L1CAM: variants seen among roughly 807,000 people sequenced by gnomAD.
L1CAM encodes the protein L1 cell adhesion molecule, also known as neural cell adhesion molecule L1.
L1CAM carries 8 observed loss-of-function variants against 93.0 expected under a neutral mutation model. The ratio of observed to expected loss-of-function variants is 0.09; its 90% CI spans 0.05 to 0.16. The LOEUF (loss-of-function observed/expected upper bound fraction) is 0.16. L1CAM is among the 10% of genes least tolerant of loss of function. L1CAM has a pLI of 1.00. For synonymous variants in L1CAM, 453 were observed against 453.0 expected (o/e 1.00, Z 0.00); for missense variants, 777 against 1,073.4 (o/e 0.72, Z 3.86).
At chrX:153,879,521 G>A (rs2064833008) in intron 1 of L1CAM, among the ~76,000 whole-genome samples, 1 of 112,236 alleles carries the variant, frequency 8.9e-6, no homozygotes, top group Admixed American at 9.3e-5. Context: ...AGGGAAGATG[G>A]GCCTGGGTCA....
chrX:153,873,648 G>T (rs111834180), intron 2 of L1CAM, among the ~76,000 whole-genome samples: 8,111 of 112,271 alleles, frequency 0.072, 398 homozygotes, highest in African/African-American at 0.18. Context: ...GCCTTGGAAG[G>T]CACCGTCCCC....
chrX:153,885,362 G>A (rs1557096684), intron 1 of L1CAM: 1 of 981,863 alleles, frequency 1.0e-6, no homozygotes, highest in Non-Finnish European at 1.3e-6. Context: ...ACTGGCCACA[G>A]AGCCTGTGGA....
In L1CAM at chrX:153,862,722, C is replaced by T; in HGVS notation, c.3715G>A (p.Gly1239Arg). Residue 1239 changes from glycine to arginine, a missense_variant, in exon 29 of 29, where the codon GGG becomes AGG. Physicochemically the swap from Gly to Arg is moderately radical, Grantham distance 125 (BLOSUM62 -2). Coordinates refer to ENST00000370060, the MANE Select transcript of L1CAM (RefSeq NM_001278116.2). ...YSGKKEKEAA[G>R]GNDSSGATSP... The stretch of plus-strand genomic sequence containing the variant: ...GTGGCCCCTGAGCTGTCATTGCCCC[C>T]TGCCGCCTCCTTCTCCTTCTTGCCA... 1 of 1,212,324 alleles carries T rather than the reference C, an allele frequency of 8.2e-7. No homozygotes were observed. The highest frequency in any genetic ancestry group is 1.1e-6 in the Non-Finnish European group (1 of 895,540).
At chrX:153,884,043 C>G (rs1557096373) in intron 1 of L1CAM, 2 of 394,025 alleles carry the variant, frequency 5.1e-6, no homozygotes, top group African/African-American at 5.1e-5. Flanking sequence ...GCACCCTGCT[C>G]ACTGTAGGAG....
At chrX:153,869,039 G>C in intron 11 of L1CAM, 87 bp from the exon 12 acceptor site, 1 of 756,429 alleles carries the variant, frequency 1.3e-6, no homozygotes. Flanking sequence ...CGGCTTCCTC[G>C]GGCCCCCAAG....
chrX:153,867,963 C>T, intron 15 of L1CAM, 35 bp downstream of exon 15: 1 of 1,210,650 alleles, frequency 8.3e-7, no homozygotes, highest in African/African-American at 1.7e-5. Context: ...TGAGCCCCGG[C>T]CTTCTGGAGT....
At chrX:153,884,185 G>A in intron 1 of L1CAM, 1 of 986,570 alleles carries the variant, frequency 1.0e-6, no homozygotes, top group African/African-American at 1.9e-5. Context: ...GCTCTTCCAT[G>A]GGCAGCCCAG....
chrX:153,869,042 C>A, intron 11 of L1CAM, 90 bp from the exon 12 acceptor site: 1 of 702,509 alleles, frequency 1.4e-6, no homozygotes, highest in Non-Finnish European at 2.3e-6. Flanking sequence ...CTTCCTCGGG[C>A]CCCCAAGAGC....
At chrX:153,869,087 C>T in intron 11 of L1CAM, 135 bp from the exon 12 acceptor site, 1 of 531,483 alleles carries the variant, frequency 1.9e-6, no homozygotes, top group Admixed American at 2.7e-5. Flanking sequence ...CCAGCTGAGG[C>T]CCCCGCCAGG....
intron 1 of L1CAM, among the ~76,000 whole-genome samples, chrX:153,884,998 G>A (rs1335117551): frequency 4.4e-5 from 5 of 112,544 alleles, no homozygotes; most frequent in African/African-American, 1.3e-4. Context: ...TTCTGGAGAA[G>A]GGGGCAGATG....
At chrX:153,874,657 C>T (rs1246800793) in intron 2 of L1CAM, among the ~76,000 whole-genome samples, 1 of 112,357 alleles carries the variant, frequency 8.9e-6, no homozygotes, top group Non-Finnish European at 1.9e-5. Context: ...GTCTTCCCAA[C>T]CCCTATCCGC....
At chrX:153,863,023 C>T in intron 28 of L1CAM, 129 bp from the exon 29 acceptor site, 2 of 528,171 alleles carry the variant, frequency 3.8e-6, no homozygotes, top group Non-Finnish European at 6.2e-6. Context: ...CAGCTCTGGC[C>T]ACCCTGGCAG....
At chrX:153,880,357 G>A in intron 1 of L1CAM, 1 of 189,989 alleles carries the variant, frequency 5.3e-6, no homozygotes, top group Non-Finnish European at 9.9e-6. Flanking sequence ...GGTTCTGCCT[G>A]GAGTTCCTCT....
intron 1 of L1CAM, among the ~76,000 whole-genome samples, chrX:153,880,991 C>T (rs947804012): frequency 5.3e-5 from 6 of 112,376 alleles, no homozygotes; most frequent in East Asian, 5.6e-4. Flanking sequence ...GGAAAAGAGA[C>T]GGAGGTTAAC....
rs1557093327 is a variant in L1CAM, at chrX:153,872,100, T to A, written c.400+52A>T. 14 of 1,067,420 alleles carry A rather than the reference T, an allele frequency of 1.3e-5. No homozygotes were observed. In the East Asian group the frequency reaches 3.6e-4, roughly 28 times the overall value. 88.0% of individuals were successfully genotyped at this position (1,067,420 alleles called of 1,213,427 possible). A position where few individuals can be genotyped will look rare whatever the true frequency, so the allele number is the denominator to read the frequency against. On this transcript the variant is annotated intron_variant, in intron 5 of 28. Transcript: ENST00000370060. ...GCTGACAGCAGCTTCCAGCCCACAA[T>A]CCCACACGAACTCCGGGACCTGCCC...
rs151129583 is a variant in L1CAM at position 153,870,390 on chromosome X, G to T, written c.804C>A (p.Gly268=). Residue 268 remains glycine (G), a splice_region_variant and synonymous_variant, in exon 8 of 29, where the codon GGC becomes GGA. Coordinates refer to ENST00000370060, the MANE Select transcript of L1CAM (RefSeq NM_001278116.2). ...QPLVLECIAE[G]FPTPTIKWLR... The stretch of plus-strand genomic sequence containing the variant: ...CTGCCCTGGGTTCCCAGACTCACAA[G>T]CCCTCGGCGATGCACTCCAGGACCA... The T allele has an allele frequency of 1.7e-6, 2 of 1,207,148 alleles. No individual in the cohort carries two copies. Among genetic ancestry groups the T allele is most frequent in the African/African-American group, 1.7e-5 (1 of 57,553 alleles).
Position 153,870,193 on chromosome X carries a change from G to C in L1CAM, c.854C>G (p.Ala285Gly). The part of the protein sequence containing the change: ...KWLRPSGPMP[A>G]DRVTYQNHNK... ...GTGGTTCTGGTAGGTGACACGGTCG[G>C]CTGGCATGGGGCCACTGGGGCGCAG... Residue 285 changes from alanine (A) to glycine (G), a missense_variant, in exon 9 of 29, where the codon GCC (alanine) becomes GGC (glycine). By Grantham distance (60) the Ala-to-Gly change is moderately conservative. Coordinates refer to ENST00000370060, the MANE Select transcript of L1CAM (RefSeq NM_001278116.2). 1 of 1,212,016 alleles carries C rather than the reference G, an allele frequency of 8.3e-7. No individual in the cohort carries two copies. Among genetic ancestry groups the C allele is most frequent in the Non-Finnish European group, 1.1e-6 (1 of 895,369 alleles).
At position 153,871,097 on chromosome X, in the gene L1CAM, G is replaced by A; in HGVS notation, c.483C>T (p.Pro161=). 1 of 1,210,850 alleles carries A rather than the reference G, an allele frequency of 8.3e-7. No homozygotes were observed. Among genetic ancestry groups the A allele is most frequent in the Non-Finnish European group, 1.1e-6 (1 of 895,226 alleles). The change falls in exon 6 of 29, where the codon CCC becomes CCT. Residue 161 remains proline (P), a synonymous_variant. Coordinates refer to ENST00000370060, the MANE Select transcript of L1CAM (RefSeq NM_001278116.2). ...AGATCCGGAGAGGCTCTGCACTTGG[G>A]GGAGGGTTGCAAGGCAGAACCACTG... The part of the protein sequence containing the change: ...GESVVLPCNP[P]PSAEPLRIYW...
chrX:153,884,815 A>G (rs2064868830), intron 1 of L1CAM, among the ~76,000 whole-genome samples: 1 of 113,096 alleles, frequency 8.8e-6, no homozygotes, highest in African/African-American at 3.2e-5. Context: ...CCCCCGCCCC[A>G]GAAAGATGAT....
Sources: allele counts gnomAD v4.1 joint callset (sites outside exome capture counted in the v4.1 genomes callset), GRCh38; gene constraint gnomAD v4.1.1; transcripts MANE v1.5; gene names NCBI Gene and HGNC (gene_info 2026-07-23, HGNC 2026-07-21).